The following PRMT8 variants were observed in gnomAD, a reference collection of about 807,000 sequenced individuals.
The protein encoded by PRMT8 is protein arginine methyltransferase 8, also known as protein arginine N-methyltransferase 8.
A neutral mutation model predicts 47.1 loss-of-function variants in PRMT8; 7 were observed. That is an observed-to-expected ratio of 0.15 (90% CI 0.08 to 0.28). The LOEUF is 0.28. PRMT8 is among the 10% of genes least tolerant of loss of function. The probability of loss-of-function intolerance (pLI) is 1.00; values close to 1 mark genes in which losing one functional copy is unlikely to be tolerated. For missense variants in PRMT8, 237 were observed against 505.4 expected, an observed-to-expected ratio of 0.47 and a Z score of 5.09; for synonymous variants, 188 against 186.5, an observed-to-expected ratio of 1.01 and a Z score of -0.07.
chr12:3,428,884 C>G (rs1389521064), intron 1 of PRMT8, among the ~76,000 whole-genome samples: 1 of 151,886 alleles, frequency 6.6e-6, no homozygotes, highest in Non-Finnish European at 1.5e-5. Context: ...GTCTCTTACT[C>G]TCTCCGCCTG....
At chr12:3,505,011 C>T (rs1480266633) in intron 1 of PRMT8, among the ~76,000 whole-genome samples, 1 of 131,098 alleles carries the variant, frequency 7.6e-6, no homozygotes, top group Non-Finnish European at 1.6e-5. Flanking sequence ...AGGGAACTCC[C>T]TGACCCCTTG....
intron 7 of PRMT8, among the ~76,000 whole-genome samples, chr12:3,577,327 A>G (rs541924030): frequency 4.5e-4 from 68 of 152,212 alleles, no homozygotes; most frequent in East Asian, 1.9e-3. Flanking sequence ...TGGTCCATTC[A>G]GAGGTAGACG....
rs1865392012 is a variant in PRMT8 at position 3,491,295 on chromosome 12, C to T, written c.-331C>T. On this transcript the variant is annotated 5_prime_UTR_variant, in exon 1 of 10. Coordinates refer to ENST00000382622, the MANE Select transcript of PRMT8 (RefSeq NM_019854.5). ...GAGCAGCCTGGAGAGGATCCGCGAC[C>T]GCCGCCGCCGCCGCCGCGGAGGCTT... 5 of 1,066,360 alleles carry T rather than the reference C, an allele frequency of 4.7e-6. No homozygotes were observed. Among genetic ancestry groups the T allele is most frequent in the Non-Finnish European group, 5.7e-6 (5 of 872,752 alleles). 66.1% of individuals were successfully genotyped at this position (1,066,360 alleles called of 1,614,324 possible).
chr12:3,579,131 G>A (rs1042272325), intron 7 of PRMT8, among the ~76,000 whole-genome samples: 1 of 152,138 alleles, frequency 6.6e-6, no homozygotes, highest in Non-Finnish European at 1.5e-5. Context: ...ATAGTACAAG[G>A]CACTTCTGTA....
chr12:3,475,874 A>G lies in PRMT8; in HGVS notation c.49-64732A>G, dbSNP rs116484871. ...CTCTTCTACATCCTGTGGGTGTATG[A>G]TGTATGTGGAGAAGGGTCTGAGGAG... is the stretch of plus-strand genomic sequence containing the variant. On this transcript the variant is annotated intron_variant, in intron 1 of 9. Coordinates refer to the PRMT8 transcript ENST00000452611. Among the ~76,000 whole-genome samples the G allele has an allele frequency of 6.6e-3, 1,012 of 152,284 alleles. 10 individuals carry two copies. Among genetic ancestry groups the G allele is most frequent in the African/African-American group, 0.023 (951 of 41,558 alleles).
chr12:3,471,878 G>T (rs1212512415), intron 1 of PRMT8, among the ~76,000 whole-genome samples: 1 of 152,024 alleles, frequency 6.6e-6, no homozygotes, highest in Non-Finnish European at 1.5e-5. Flanking sequence ...TTTTTGCCCT[G>T]TGGAGGGGCT....
intron 1 of PRMT8, among the ~76,000 whole-genome samples, chr12:3,499,165 A>T (rs143040540): frequency 0.037 from 4,607 of 123,866 alleles, 211 homozygotes; most frequent in African/African-American, 0.13. Context: ...TTTTATTTTT[A>T]TTTATTTATT....
At chr12:3,440,023 G>C (rs1016537163) in intron 1 of PRMT8, among the ~76,000 whole-genome samples, 2 of 152,188 alleles carry the variant, frequency 1.3e-5, no homozygotes, top group Non-Finnish European at 2.9e-5. Flanking sequence ...GGGAACTGGA[G>C]CAGGCTGCCA....
At chr12:3,578,801 G>A (rs1866998605) in intron 7 of PRMT8, among the ~76,000 whole-genome samples, 1 of 152,132 alleles carries the variant, frequency 6.6e-6, no homozygotes, top group South Asian at 2.1e-4. Flanking sequence ...GCACCCGTTG[G>A]GCTGGAGTAT....
At chr12:3,466,031 C>T (rs866175139) in intron 1 of PRMT8, among the ~76,000 whole-genome samples, 2 of 152,152 alleles carry the variant, frequency 1.3e-5, no homozygotes, top group African/African-American at 4.8e-5. Flanking sequence ...GGCACTGACG[C>T]AGAAAACTGT....
At chr12:3,562,069 G>A (rs886195309) in intron 4 of PRMT8, among the ~76,000 whole-genome samples, 2 of 152,128 alleles carry the variant, frequency 1.3e-5, no homozygotes, top group Non-Finnish European at 2.9e-5. Context: ...CTGGAGAGCC[G>A]GTTGTTAAGT....
rs59846938 is a variant in PRMT8 at position 3,520,796 on chromosome 12, A to G, written c.76-19810A>G. On this transcript the variant is annotated intron_variant, in intron 1 of 9. Coordinates refer to ENST00000382622, the MANE Select transcript of PRMT8 (RefSeq NM_019854.5). ...ATAAGGCCACAATGACACTATATATATTAATTCCAAATATGCCTATGGAGT... is the reference window on the plus strand; with the variant it reads ...ATAAGGCCACAATGACACTATATATGTTAATTCCAAATATGCCTATGGAGT... Among the ~76,000 whole-genome samples the G allele has an allele frequency of 5.8e-4, 88 of 152,350 alleles. 1 individual carries two copies. The highest frequency in any genetic ancestry group is 2.1e-3 in the African/African-American group (86 of 41,592).
chr12:3,424,427 G>A (rs989665062), intron 1 of PRMT8, among the ~76,000 whole-genome samples: 5 of 152,090 alleles, frequency 3.3e-5, no homozygotes, highest in Non-Finnish European at 5.9e-5. Flanking sequence ...GTCCTAATTC[G>A]TGACAAATGT....
chr12:3,519,387 G>C (rs1283420087), intron 1 of PRMT8, among the ~76,000 whole-genome samples: 4 of 152,230 alleles, frequency 2.6e-5, no homozygotes, highest in Non-Finnish European at 5.9e-5. Context: ...TGGCAGGGCT[G>C]GGGGAAGGTT....
chr12:3,475,821 C>T (rs954180872), intron 1 of PRMT8, among the ~76,000 whole-genome samples: 16 of 152,214 alleles, frequency 1.1e-4, no homozygotes, highest in Admixed American at 6.5e-5. Flanking sequence ...CCTGGTGTCC[C>T]AGAACACTCT....
chr12:3,437,977 A>G (rs1012091975), intron 1 of PRMT8, among the ~76,000 whole-genome samples: 1 of 152,168 alleles, frequency 6.6e-6, no homozygotes, highest in Non-Finnish European at 1.5e-5. Flanking sequence ...TAATTGAAGA[A>G]CAGGACTCTT....
intron 1 of PRMT8, among the ~76,000 whole-genome samples, chr12:3,484,543 C>G (rs1393166245): frequency 1.3e-5 from 2 of 152,230 alleles, no homozygotes; most frequent in South Asian, 4.1e-4. Context: ...GTTAACAATA[C>G]TATGTCCCAG....
chr12:3,464,441 A>G (rs1307589185), intron 1 of PRMT8, among the ~76,000 whole-genome samples: 1 of 152,192 alleles, frequency 6.6e-6, no homozygotes, highest in Non-Finnish European at 1.5e-5. Flanking sequence ...TATTCTTTTG[A>G]GAAAATATCA....
intron 1 of PRMT8, among the ~76,000 whole-genome samples, chr12:3,519,499 T>C (rs1865848414): frequency 6.6e-6 from 1 of 151,944 alleles, no homozygotes; most frequent in Admixed American, 6.6e-5. Context: ...GAAAGGGATG[T>C]GGAGGAGAGT....
Sources: allele counts gnomAD v4.1 joint callset (sites outside exome capture counted in the v4.1 genomes callset), GRCh38; gene constraint gnomAD v4.1.1; transcripts MANE v1.5; gene names NCBI Gene and HGNC (gene_info 2026-07-23, HGNC 2026-07-21).